AQP5: variants seen among roughly 807,000 people sequenced by gnomAD.
AQP5 encodes aquaporin 5, also known as aquaporin-5.
A neutral mutation model predicts 19.1 loss-of-function variants in AQP5; 15 were observed. That is an observed-to-expected ratio of 0.79 (90% CI 0.53 to 1.21). The LOEUF (loss-of-function observed/expected upper bound fraction) is 1.21, where lower values mean the gene tolerates loss of function less well. AQP5 is among the 50% of genes most tolerant of loss of function. The pLI, the probability that AQP5 is intolerant of heterozygous loss-of-function variation, is 0.00. For synonymous variants in AQP5, 182 were observed against 160.3 expected, an observed-to-expected ratio of 1.14 and a Z score of -1.02; for missense variants, 355 against 357.1, an observed-to-expected ratio of 0.99 and a Z score of 0.05.
Position 49,963,583 on chromosome 12 carries a change from C to T in AQP5, c.455C>T (p.Ser152Phe). 12 of 1,613,876 alleles carry T rather than the reference C, an allele frequency of 7.4e-6. No individual in the cohort carries two copies. Among genetic ancestry groups the T allele is most frequent in the Non-Finnish European group, 1.0e-5 (12 of 1,180,038 alleles). The change falls in exon 2 of 4, where the codon TCC becomes TTC. Residue 152 changes from serine to phenylalanine, a missense_variant. Coordinates refer to ENST00000293599, the MANE Select transcript of AQP5 (RefSeq NM_001651.4). ...CTCTGCATCTTCGCCTCCACTGACT[C>T]CCGCCGCACCAGCCCTGTGGGCTCC... is the stretch of plus-strand genomic sequence containing the variant. ...LALCIFASTD[S>F]RRTSPVGSPA... is the part of the protein sequence containing the mutation.
Position 49,965,081 on chromosome 12 carries a change from G to C in AQP5, c.702G>C (p.Glu234Asp), listed in dbSNP as rs778957386. The C allele has an allele frequency of 3.7e-6, 6 of 1,613,982 alleles. No individual in the cohort carries two copies. The South Asian group carries it at 4.4e-5, about 12-fold the overall frequency. The change falls in exon 4 of 4, where the codon GAG (glutamate) becomes GAC (aspartate). Residue 234 changes from glutamate to aspartate, a missense_variant. Physicochemically the swap from Glu to Asp is conservative, Grantham distance 45 (BLOSUM62 2). Transcript: ENST00000293599. ...TCCCCAACTCCCTGAGCCTGAGTGAGCGTGTGGCCATCATCAAAGGCACGT... is the reference window on the plus strand; with the variant it reads ...TCCCCAACTCCCTGAGCCTGAGTGACCGTGTGGCCATCATCAAAGGCACGT... ...LLFPNSLSLS[E>D]RVAIIKGTYE... is the part of the protein sequence containing the mutation.
chr12:49,962,417 T>G, intron 1 of AQP5, 37 bp downstream of exon 1: 1 of 1,427,434 alleles, frequency 7.0e-7, no homozygotes. Context: ...GCCTCGACCC[T>G]GGGGTGGGCT....
rs886221540 is a variant in AQP5, at chr12:49,964,935, C to T, written c.613-57C>T. On this transcript the variant is annotated intron_variant, in intron 3 of 3. Transcript: ENST00000293599. ...GGTCTGTCCTCTGTGGGGTGGGGGG[C>T]ATGTGGTCTTCAAGGTCTGGGGCTC... The T allele has an allele frequency of 2.6e-6, 4 of 1,567,520 alleles. No homozygotes were observed. The African/African-American group carries it at 5.4e-5, about 21-fold the overall frequency.
In AQP5 at chr12:49,962,090, G is replaced by A. The variant is rs1947430075; in HGVS notation, c.73G>A (p.Val25Ile). 2 of 1,613,176 alleles carry A rather than the reference G, an allele frequency of 1.2e-6. No homozygotes were observed. Among genetic ancestry groups the A allele is most frequent in the Non-Finnish European group, 1.7e-6 (2 of 1,179,470 alleles). ...FAEFLATLIF[V>I]FFGLGSALKW... Reference sequence around the variant, plus strand: ...AGAGTTCTTGGCCACCCTCATCTTCGTCTTCTTTGGCCTGGGCTCGGCCCT... The same window carrying A: ...AGAGTTCTTGGCCACCCTCATCTTCATCTTCTTTGGCCTGGGCTCGGCCCT... The change falls in exon 1 of 4, where the codon GTC becomes ATC. Residue 25 changes from valine (V) to isoleucine (I), a missense_variant. Coordinates refer to ENST00000293599, the MANE Select transcript of AQP5 (RefSeq NM_001651.4).
intron 2 of AQP5, 142 bp from the exon 3 acceptor site, chr12:49,963,950 G>T (rs751767010): frequency 1.5e-4 from 129 of 877,214 alleles, no homozygotes; most frequent in Non-Finnish European, 1.8e-4. Flanking sequence ...CAAGCAGCTG[G>T]GATCCTTGGA....
intron 1 of AQP5, 66 bp from the exon 2 acceptor site, chr12:49,963,426 A>G: frequency 1.9e-6 from 3 of 1,579,464 alleles, no homozygotes; most frequent in Non-Finnish European, 8.6e-7. Flanking sequence ...CAAAAGCCCT[A>G]CTCCCCGAGC....
intron 2 of AQP5, chr12:49,963,890 A>G (rs764226784): frequency 4.0e-6 from 3 of 754,396 alleles, no homozygotes; most frequent in Non-Finnish European, 6.3e-6. Context: ...ATCAAACCCA[A>G]CCTCAGAGCA....
chr12:49,963,460 G>GTA, intron 1 of AQP5, 32 bp from the exon 2 acceptor site: 1 of 1,608,180 alleles, frequency 6.2e-7, no homozygotes, highest in South Asian at 1.1e-5. Flanking sequence ...GCCAGAAGGT[G>GTA]GCCGGGGTCC....
chr12:49,964,907 G>A (rs982216667), intron 3 of AQP5, 85 bp from the exon 4 acceptor site: 212 of 1,520,326 alleles, frequency 1.4e-4, no homozygotes, highest in Middle Eastern at 5.4e-4. Context: ...CTCAGGGTCC[G>A]TGGGTCTGTC....
rs1220301490 is a variant in AQP5, at chr12:49,965,102, C to T, written c.723C>T (p.Gly241=). 1.2e-6 allele frequency: 2 copies of T among 1,614,092 alleles called. No homozygotes were observed. Among genetic ancestry groups the T allele is most frequent in the African/African-American group, 2.7e-5 (2 of 75,040 alleles). ...SLSERVAIIK[G]TYEPDEDWEE... ...GTGAGCGTGTGGCCATCATCAAAGG[C>T]ACGTATGAGCCTGACGAGGACTGGG... The change falls in exon 4 of 4, where the codon GGC becomes GGT. Residue 241 remains glycine, a synonymous_variant. Transcript: ENST00000293599.
At position 49,961,951 on chromosome 12, in the gene AQP5, C is replaced by T. The variant is rs1376857722; in HGVS notation, c.-67C>T. ...CCCCCGCCCCCGCCGCATCCACCTC[C>T]TCCGCCGCCTGCGACCCAACGGGCG... On this transcript the variant is annotated 5_prime_UTR_variant, in exon 1 of 4. Coordinates refer to ENST00000293599, the MANE Select transcript of AQP5 (RefSeq NM_001651.4). 2.6e-6 allele frequency: 3 copies of T among 1,146,100 alleles called. No homozygotes were observed. The highest frequency in any genetic ancestry group is 3.3e-6 in the Non-Finnish European group (3 of 899,994). The allele number at this position is 1,146,100 out of a possible 1,614,324, so 71.0% of individuals were successfully genotyped here. A position where few individuals can be genotyped will look rare whatever the true frequency, so the allele number is the denominator to read the frequency against.
At position 49,963,491 on chromosome 12, in the gene AQP5, G is replaced by A. The variant is rs762943471; in HGVS notation, c.364-1G>A. ...GGTCCTAACCCGCTATCCCCTTGCA[G>A]CTCAACAACAACACAACGCAGGGCC... is the stretch of plus-strand genomic sequence containing the variant. On this transcript the variant is annotated splice_acceptor_variant, in intron 1 of 3. Transcript: ENST00000293599. LOFTEE classifies it high-confidence loss of function. The A allele has an allele frequency of 6.2e-7, 1 of 1,613,636 alleles. No homozygotes were observed. Among genetic ancestry groups the A allele is most frequent in the Non-Finnish European group, 8.5e-7 (1 of 1,179,910 alleles).
At position 49,965,142 on chromosome 12, in the gene AQP5, G is replaced by A. The variant is rs1177778724; in HGVS notation, c.763G>A (p.Glu255Lys). The A allele has an allele frequency of 4.3e-6, 7 of 1,613,382 alleles. No homozygotes were observed. Among genetic ancestry groups the A allele is most frequent in the Non-Finnish European group, 5.9e-6 (7 of 1,179,756 alleles). ...CGAGGACTGGGAGGAGCAGCGGGAA[G>A]AGCGGAAGAAGACCATGGAGCTGAC... The part of the protein sequence containing the change: ...PDEDWEEQRE[E>K]RKKTMELTTR Residue 255 changes from glutamate to lysine, a missense_variant, in exon 4 of 4, where the codon GAG becomes AAG. Physicochemically the swap from Glu to Lys is moderately conservative, Grantham distance 56. Coordinates refer to ENST00000293599, the MANE Select transcript of AQP5 (RefSeq NM_001651.4).
chr12:49,964,742 G>A (rs1369472167), intron 3 of AQP5: 3 of 985,358 alleles, frequency 3.0e-6, no homozygotes, highest in Non-Finnish European at 3.6e-6. Flanking sequence ...GTTGGAGGGA[G>A]CCTGTCCCTC....
rs984383960 is a variant in AQP5, at chr12:49,964,884, A to C, written c.613-108A>C. The C allele has an allele frequency of 7.3e-6, 11 of 1,497,318 alleles. No individual in the cohort carries two copies. The African/African-American group carries it at 8.4e-5, about 11-fold the overall frequency. The allele number at this position is 1,497,318 out of a possible 1,614,324, so 92.8% of individuals were successfully genotyped here. A position where few individuals can be genotyped will look rare whatever the true frequency, so the allele number is the denominator to read the frequency against. On this transcript the variant is annotated intron_variant, in intron 3 of 3. Transcript: ENST00000293599. ...TCTCCCTGAAGGTCTGGAAGTCTGC[A>C]TGTCTGTCTCCTCTCAGGGTCCGTG...
rs1240153551 is a variant in AQP5, at chr12:49,965,047, A to G, written c.668A>G (p.Tyr223Cys). Residue 223 changes from tyrosine (Y) to cysteine (C), a missense_variant, in exon 4 of 4, where the codon TAC becomes TGC. Coordinates refer to ENST00000293599, the MANE Select transcript of AQP5 (RefSeq NM_001651.4). Reference protein sequence around the residue: ...GAVLAAILYFYLLFPNSLSLS... With the variant: ...GAVLAAILYFCLLFPNSLSLS... Reference sequence around the variant, plus strand: ...GTCCTGGCTGCCATCCTTTACTTCTACCTGCTCTTCCCCAACTCCCTGAGC... The same window carrying G: ...GTCCTGGCTGCCATCCTTTACTTCTGCCTGCTCTTCCCCAACTCCCTGAGC... The G allele has an allele frequency of 1.2e-6, 2 of 1,613,690 alleles. No individual in the cohort carries two copies. Among genetic ancestry groups the G allele is most frequent in the African/African-American group, 1.3e-5 (1 of 74,876 alleles).
rs1328341018 is a variant in AQP5 at position 49,962,127 on chromosome 12, C to T, written c.110C>T (p.Ser37Leu). The T allele has an allele frequency of 6.2e-7, 1 of 1,613,390 alleles. No individual in the cohort carries two copies. The highest frequency in any genetic ancestry group is 8.5e-7 in the Non-Finnish European group (1 of 1,179,824). ...CTGGGCTCGGCCCTCAAGTGGCCGT[C>T]GGCGCTGCCTACCATCCTGCAGATC... Reference protein sequence around the residue: ...FGLGSALKWPSALPTILQIAL... With the variant: ...FGLGSALKWPLALPTILQIAL... The change falls in exon 1 of 4, where the codon TCG becomes TTG. Residue 37 changes from serine to leucine, a missense_variant. Coordinates refer to ENST00000293599, the MANE Select transcript of AQP5 (RefSeq NM_001651.4).
At chr12:49,964,679 C>A in intron 3 of AQP5, 3 of 985,298 alleles carry the variant, frequency 3.0e-6, no homozygotes, top group Non-Finnish European at 3.6e-6. Flanking sequence ...ATCCGTCTCT[C>A]TGAGGACCCA....
chr12:49,962,143 C>A lies in AQP5; in HGVS notation c.126C>A (p.Ile42=). 2.5e-6 allele frequency: 4 copies of A among 1,613,180 alleles called. No individual in the cohort carries two copies. The highest frequency in any genetic ancestry group is 3.4e-6 in the Non-Finnish European group (4 of 1,179,846). Residue 42 remains isoleucine, a synonymous_variant, in exon 1 of 4, where the codon ATC becomes ATA. Transcript: ENST00000293599. The part of the protein sequence containing the change: ...ALKWPSALPT[I]LQIALAFGLA... ...AGTGGCCGTCGGCGCTGCCTACCAT[C>A]CTGCAGATCGCGCTGGCGTTTGGCC...
Sources: allele counts gnomAD v4.1 joint callset, GRCh38; gene constraint gnomAD v4.1.1; transcripts MANE v1.5; gene names NCBI Gene and HGNC (gene_info 2026-07-23, HGNC 2026-07-21).